Variants in ALG9 observed in about 807,000 individuals in gnomAD.
ALG9 encodes ALG9 alpha-1,2-mannosyltransferase.
ALG9 carries 55 observed loss-of-function variants against 81.8 expected under a neutral mutation model. The ratio of observed to expected loss-of-function variants is 0.67; its 90% CI spans 0.54 to 0.84. The LOEUF is 0.84. ALG9 is among the 40% of genes least tolerant of loss of function. ALG9 has a pLI of 0.00. For synonymous variants in ALG9, 278 were observed against 274.3 expected (o/e 1.01, Z -0.13); for missense variants, 629 against 745.0 (o/e 0.84, Z 1.81).
intron 4 of ALG9, 65 bp downstream of exon 4, chr11:111,865,116 A>G: frequency 7.8e-7 from 1 of 1,274,306 alleles, no homozygotes; most frequent in East Asian, 2.6e-5. Context: ...GACTATCACA[A>G]CAGATAATCT....
chr11:111,858,555 G>C (rs1283449688), intron 5 of ALG9, among the ~76,000 whole-genome samples: 2 of 152,208 alleles, frequency 1.3e-5, no homozygotes, highest in Admixed American at 6.5e-5. Flanking sequence ...TGCTGACACA[G>C]ATAATCTGGC....
intron 14 of ALG9, among the ~76,000 whole-genome samples, chr11:111,808,778 A>G (rs1375710038): frequency 1.3e-5 from 2 of 152,024 alleles, no homozygotes; most frequent in Non-Finnish European, 1.5e-5. Flanking sequence ...CTTAACTCCA[A>G]CTGTCTGTTT....
intron 14 of ALG9, among the ~76,000 whole-genome samples, chr11:111,799,989 T>TC (rs1948865508): frequency 6.6e-6 from 1 of 152,174 alleles, no homozygotes; most frequent in Non-Finnish European, 1.5e-5. Flanking sequence ...AAGCACCCCC[T>TC]CCTTCTGGAA....
At chr11:111,800,929 T>C (rs1229236368) in intron 14 of ALG9, among the ~76,000 whole-genome samples, 1 of 152,220 alleles carries the variant, frequency 6.6e-6, no homozygotes, top group African/African-American at 2.4e-5. Flanking sequence ...GGTTAGATTT[T>C]AGGAACTTAA....
chr11:111,823,377 A>G (rs1952740003), intron 13 of ALG9, among the ~76,000 whole-genome samples: 1 of 152,184 alleles, frequency 6.6e-6, no homozygotes, highest in African/African-American at 2.4e-5. Flanking sequence ...ATACATTTCC[A>G]TATTAAAAGC....
In ALG9 at chr11:111,782,213, T is replaced by C. The variant is rs956497051; in HGVS notation, c.*4184A>G. On this transcript the variant is annotated 3_prime_UTR_variant, in exon 15 of 15. Coordinates refer to ENST00000616540, the MANE Select transcript of ALG9 (RefSeq NM_024740.2). ...AAGAAAATCAAACTGCTACAATTTA[T>C]TTAACTCTTTCTTTCACAGGAAATA... The C allele has an allele frequency of 5.3e-5, 8 of 152,232 alleles. No homozygotes were observed. Among genetic ancestry groups the C allele is most frequent in the African/African-American group, 1.9e-4 (8 of 41,462 alleles). 9.4% of individuals were successfully genotyped at this position (152,232 alleles called of 1,614,324 possible).
intron 5 of ALG9, 70 bp from the exon 6 acceptor site, chr11:111,857,807 A>G (rs1178363567): frequency 4.5e-6 from 7 of 1,568,638 alleles, no homozygotes; most frequent in Non-Finnish European, 6.1e-6. Flanking sequence ...TCAATTAAAA[A>G]CTGATTAAAA....
chr11:111,844,256 G>A (rs976693921), intron 9 of ALG9, among the ~76,000 whole-genome samples: 7 of 152,054 alleles, frequency 4.6e-5, no homozygotes, highest in Admixed American at 4.6e-4. Flanking sequence ...CACCCGCCTC[G>A]GCCTCCCAAA....
chr11:111,797,115 A>G (rs1422076526), intron 14 of ALG9, among the ~76,000 whole-genome samples: 1 of 152,222 alleles, frequency 6.6e-6, no homozygotes, highest in Non-Finnish European at 1.5e-5. Flanking sequence ...AGTGGCTTTA[A>G]AGCATGTCCA....
At chr11:111,802,138 A>G (rs1385016527) in intron 14 of ALG9, among the ~76,000 whole-genome samples, 6 of 152,128 alleles carry the variant, frequency 3.9e-5, no homozygotes, top group African/African-American at 1.4e-4. Context: ...TACCAACTTA[A>G]GGTCACGGTT....
chr11:111,832,852 C>A (rs1442725192), intron 13 of ALG9, among the ~76,000 whole-genome samples: 1 of 152,074 alleles, frequency 6.6e-6, no homozygotes, highest in Non-Finnish European at 1.5e-5. Flanking sequence ...GGCAACACAG[C>A]AAGACTCTGT....
chr11:111,793,577 T>C lies in ALG9; in HGVS notation c.1734-7057A>G, dbSNP rs576818687. Reference sequence around the variant, plus strand: ...GAGAGCAAGACCATCCTGGCTAACATGGTGAAACCCCTTCTCTACTAAAAA... The same window carrying C: ...GAGAGCAAGACCATCCTGGCTAACACGGTGAAACCCCTTCTCTACTAAAAA... On this transcript the variant is annotated intron_variant, in intron 14 of 14. Coordinates refer to ENST00000616540, the MANE Select transcript of ALG9 (RefSeq NM_024740.2). 3.6e-4 allele frequency among the ~76,000 whole-genome samples: 54 copies of C among 151,938 alleles called. No individual in the cohort carries two copies. The South Asian group carries it at 3.7e-3, about 11-fold the overall frequency.
rs145968726 is a variant in ALG9, at chr11:111,819,804, G to C, written c.1603-10031C>G. Among the ~76,000 whole-genome samples, 68 of 152,278 alleles carry C rather than the reference G, an allele frequency of 4.5e-4. 1 individual carries two copies. In the East Asian group the frequency reaches 0.013, roughly 29 times the overall value. On this transcript the variant is annotated intron_variant, in intron 13 of 14. Coordinates refer to ENST00000616540, the MANE Select transcript of ALG9 (RefSeq NM_024740.2). Reference sequence around the variant, plus strand: ...TGTAAGCTCTGTGAAGGCAAGAACTGAATCTGTCTTTATAAGCACAATACA... The same window carrying C: ...TGTAAGCTCTGTGAAGGCAAGAACTCAATCTGTCTTTATAAGCACAATACA...
intron 13 of ALG9, among the ~76,000 whole-genome samples, chr11:111,835,336 T>G (rs1185620375): frequency 1.3e-5 from 2 of 152,202 alleles, no homozygotes; most frequent in Non-Finnish European, 2.9e-5. Context: ...TTCACAGGTA[T>G]CAAATGTCAA....
intron 12 of ALG9, 53 bp from the exon 13 acceptor site, chr11:111,836,347 A>G: frequency 6.2e-7 from 1 of 1,606,672 alleles, no homozygotes; most frequent in South Asian, 1.1e-5. Flanking sequence ...ATATTGCTAA[A>G]TGTACTTGAA....
chr11:111,860,365 C>A (rs564088670), intron 5 of ALG9, among the ~76,000 whole-genome samples, 182 bp downstream of exon 5: 2 of 152,342 alleles, frequency 1.3e-5, no homozygotes, highest in Admixed American at 1.3e-4. Context: ...AAAGGTCAAT[C>A]AAGATAATGT....
intron 13 of ALG9, among the ~76,000 whole-genome samples, chr11:111,816,347 C>A (rs1458930648): frequency 6.6e-6 from 1 of 152,208 alleles, no homozygotes; most frequent in Non-Finnish European, 1.5e-5. Context: ...GCAGCCTCAA[C>A]CTCCTGGGTT....
At chr11:111,803,574 A>T (rs1555082308) in intron 14 of ALG9, among the ~76,000 whole-genome samples, 1 of 152,086 alleles carries the variant, frequency 6.6e-6, no homozygotes, top group Non-Finnish European at 1.5e-5. Flanking sequence ...ATAAAGCTAC[A>T]ATAATCAAGA....
At chr11:111,794,323 G>T (rs1038948670) in intron 14 of ALG9, among the ~76,000 whole-genome samples, 6 of 152,088 alleles carry the variant, frequency 3.9e-5, no homozygotes, top group African/African-American at 1.4e-4. Context: ...TTGCTCTGTT[G>T]CCCAGGCTGG....
Sources: gnomAD v4.1 joint callset for allele counts (sites outside exome capture counted in the v4.1 genomes callset) on GRCh38, gnomAD v4.1.1 for gene constraint, MANE v1.5 for transcripts, NCBI Gene and HGNC (gene_info 2026-07-23, HGNC 2026-07-21) for gene names.